The following HDAC9 variants were observed in gnomAD, a reference collection of about 807,000 sequenced individuals.
The protein encoded by HDAC9 is MEF-2 interacting transcription repressor (MITR) protein.
Under a neutral mutation model 139.4 loss-of-function variants are expected in HDAC9, and 41 were observed. The ratio of observed to expected loss-of-function variants is 0.29; its 90% CI spans 0.23 to 0.38. HDAC9 has a LOEUF of 0.38. Among genes scored for constraint, HDAC9 ranks in the 10% least tolerant of loss-of-function variants. The pLI is 1.00. For synonymous variants in HDAC9, 517 were observed against 476.2 expected, an observed-to-expected ratio of 1.09 and a Z score of -1.12; for missense variants, 1,147 against 1,297.0, an observed-to-expected ratio of 0.88 and a Z score of 1.78.
chr7:18,845,625 C>T (rs1295320916), intron 21 of HDAC9, among the ~76,000 whole-genome samples: 1 of 152,022 alleles, frequency 6.6e-6, no homozygotes, highest in African/African-American at 2.4e-5. Flanking sequence ...TTAAGAACAA[C>T]AGAAGCAGAG....
intron 1 of HDAC9, among the ~76,000 whole-genome samples, chr7:18,147,935 A>G (rs1315566298): frequency 6.6e-6 from 1 of 152,144 alleles, no homozygotes; most frequent in Non-Finnish European, 1.5e-5. Flanking sequence ...CCGTTGTATT[A>G]ATTGCTGTGT....
chr7:18,189,925 G>A (rs1289924927), intron 2 of HDAC9, among the ~76,000 whole-genome samples: 6 of 143,176 alleles, frequency 4.2e-5, no homozygotes, highest in Non-Finnish European at 7.5e-5. Flanking sequence ...TGTGTGGTGT[G>A]TGTGTGTGTG....
At position 18,555,818 on chromosome 7, in the gene HDAC9, T is replaced by G. The variant is rs188500924; in HGVS notation, c.23-29463T>G. On this transcript the variant is annotated intron_variant, in intron 2 of 25. Transcript: ENST00000686413. Reference sequence around the variant, plus strand: ...ATGGCTAAATTAATTATTGTAGGTCTGTATTCTAAGTTATTTCATTATATT... The same window carrying G: ...ATGGCTAAATTAATTATTGTAGGTCGGTATTCTAAGTTATTTCATTATATT... Among the ~76,000 whole-genome samples, 509 of 152,236 alleles carry G rather than the reference T, an allele frequency of 3.3e-3. 3 individuals are homozygous for G. Among genetic ancestry groups the G allele is most frequent in the African/African-American group, 0.011 (463 of 41,582 alleles).
intron 16 of HDAC9, among the ~76,000 whole-genome samples, chr7:18,769,605 A>G (rs919916099): frequency 6.6e-6 from 1 of 152,000 alleles, no homozygotes; most frequent in Non-Finnish European, 1.5e-5. Flanking sequence ...CTTGTGAACT[A>G]GTTTGACTCA....
At chr7:18,796,430 T>C (rs1792804798) in intron 17 of HDAC9, among the ~76,000 whole-genome samples, 4 of 152,172 alleles carry the variant, frequency 2.6e-5, no homozygotes. Flanking sequence ...AGGGGGTGGG[T>C]TTCCTGTTAA....
intron 2 of HDAC9, among the ~76,000 whole-genome samples, chr7:18,193,957 C>T (rs898225362): frequency 7.9e-5 from 12 of 152,088 alleles, no homozygotes; most frequent in Non-Finnish European, 7.4e-5. Flanking sequence ...AATTGAGTAT[C>T]GGCCATGTAA....
At chr7:18,312,642 A>G (rs1201764588) in intron 1 of HDAC9, among the ~76,000 whole-genome samples, 1 of 152,106 alleles carries the variant, frequency 6.6e-6, no homozygotes, top group African/African-American at 2.4e-5. Flanking sequence ...TATTCTTAGC[A>G]GAAGCTTCAC....
intron 1 of HDAC9, among the ~76,000 whole-genome samples, chr7:18,359,891 G>A (rs2031169265): frequency 6.6e-6 from 1 of 152,312 alleles, no homozygotes; most frequent in African/African-American, 2.4e-5. Flanking sequence ...ATACAGGTGT[G>A]AGCCACCGTG....
At chr7:18,842,912 A>G (rs1209873514) in intron 21 of HDAC9, among the ~76,000 whole-genome samples, 1 of 152,100 alleles carries the variant, frequency 6.6e-6, no homozygotes, top group African/African-American at 2.4e-5. Context: ...AAAGTCCAGG[A>G]AGTATCTTGA....
intron 17 of HDAC9, among the ~76,000 whole-genome samples, chr7:18,818,103 A>G (rs767284517): frequency 2.0e-5 from 3 of 152,224 alleles, no homozygotes; most frequent in Non-Finnish European, 4.4e-5. Context: ...TAGTAATTCA[A>G]CCATCACATC....
At chr7:18,519,507 C>G (rs1804309741) in intron 2 of HDAC9, among the ~76,000 whole-genome samples, 1 of 152,032 alleles carries the variant, frequency 6.6e-6, no homozygotes, top group South Asian at 2.1e-4. Flanking sequence ...CAGTAAGTAT[C>G]CGAGAAGATG....
chr7:18,642,697 C>G (rs1786064595), intron 8 of HDAC9, among the ~76,000 whole-genome samples: 1 of 152,008 alleles, frequency 6.6e-6, no homozygotes, highest in African/African-American at 2.4e-5. Context: ...TAAGACTGTC[C>G]CCAAATCTCT....
At chr7:18,150,666 G>T (rs1033096252) in intron 1 of HDAC9, among the ~76,000 whole-genome samples, 31 of 152,170 alleles carry the variant, frequency 2.0e-4, no homozygotes, top group African/African-American at 6.8e-4. Flanking sequence ...CAACTTTTCT[G>T]TCTGGGTATT....
At chr7:18,937,228 C>CG (rs1255627631) in intron 23 of HDAC9, among the ~76,000 whole-genome samples, 4 of 151,578 alleles carry the variant, frequency 2.6e-5, no homozygotes, top group Non-Finnish European at 5.9e-5. Flanking sequence ...TTAGTAGAGA[C>CG]GGGGTTTCAC....
intron 2 of HDAC9, among the ~76,000 whole-genome samples, chr7:18,273,008 TTCTTCC>T (rs1422498922): frequency 4.7e-5 from 7 of 148,844 alleles, no homozygotes; most frequent in African/African-American, 1.2e-4. Context: ...CTTCTTCTTC[TTCTTCC>T]TCCTCCTCCT....
chr7:18,684,496 TA>T (rs2129092603), intron 12 of HDAC9, among the ~76,000 whole-genome samples: 1 of 149,302 alleles, frequency 6.7e-6, no homozygotes, highest in African/African-American at 2.5e-5. Context: ...AAACAAACAA[TA>T]AAACTATACT....
intron 22 of HDAC9, among the ~76,000 whole-genome samples, chr7:18,904,779 G>T (rs1295280435): frequency 6.6e-6 from 1 of 151,974 alleles, no homozygotes; most frequent in African/African-American, 2.4e-5. Context: ...GTTTCACCAT[G>T]TTAGCCAGGA....
chr7:18,953,117 G>A (rs559029893), intron 23 of HDAC9, among the ~76,000 whole-genome samples: 5 of 152,160 alleles, frequency 3.3e-5, no homozygotes, highest in Admixed American at 3.3e-4. Context: ...TCCTACAGAT[G>A]AAGAGACATA....
At chr7:18,939,780 A>G (rs1273389591) in intron 23 of HDAC9, among the ~76,000 whole-genome samples, 6 of 152,290 alleles carry the variant, frequency 3.9e-5, no homozygotes, top group African/African-American at 1.4e-4. Context: ...CCCTTTATTC[A>G]GTGATTAATA....
Sources: allele counts gnomAD v4.1 joint callset (sites outside exome capture counted in the v4.1 genomes callset), GRCh38; gene constraint gnomAD v4.1.1; transcripts MANE v1.5; gene names NCBI Gene and HGNC (gene_info 2026-07-23, HGNC 2026-07-21).